Variants in GULP1 observed in about 807,000 individuals in gnomAD.
GULP1 encodes the protein GULP PTB domain containing engulfment adaptor 1.
GULP1 carries 19 observed loss-of-function variants against 40.9 expected under a neutral mutation model. The observed-to-expected ratio is 0.46, with a 90% confidence interval of 0.32 to 0.68. The LOEUF (loss-of-function observed/expected upper bound fraction) is 0.68. Ranked by LOEUF, GULP1 falls within the 30% of genes least tolerant of loss-of-function variation. The pLI is 0.03. For missense variants in GULP1, 312 were observed against 362.2 expected, an observed-to-expected ratio of 0.86 and a Z score of 1.12; for synonymous variants, 119 against 117.6, an observed-to-expected ratio of 1.01 and a Z score of -0.08.
intron 3 of GULP1, 73 bp from the exon 4 acceptor site, chr2:188,483,358 C>T: frequency 1.5e-6 from 1 of 681,142 alleles, no homozygotes; most frequent in Non-Finnish European, 2.6e-6. Flanking sequence ...TCCTAAATTA[C>T]CATACAAATG....
intron 1 of GULP1, among the ~76,000 whole-genome samples, chr2:188,373,468 A>G (rs1310917617): frequency 6.6e-6 from 1 of 152,008 alleles, no homozygotes; most frequent in Non-Finnish European, 1.5e-5. Flanking sequence ...GGCATCTGAT[A>G]TATCTTAAGT....
intron 1 of GULP1, among the ~76,000 whole-genome samples, chr2:188,336,117 G>T (rs1289377422): frequency 2.0e-5 from 3 of 152,090 alleles, no homozygotes; most frequent in African/African-American, 7.2e-5. Context: ...ATATTAGATT[G>T]GGGGGCACAG....
At chr2:188,483,547 T>C (rs75821338) in intron 4 of GULP1, 55 bp downstream of exon 4, 11,144 of 684,128 alleles carry the variant, frequency 0.016, 217 homozygotes, top group African/African-American at 0.058. Flanking sequence ...TCATTACTAA[T>C]TCATGGCTAA....
chr2:188,496,049 A>G lies in GULP1; in HGVS notation c.90+12557A>G, dbSNP rs895436570. Among the ~76,000 whole-genome samples the G allele has an allele frequency of 2.0e-5, 3 of 152,104 alleles. No homozygotes were observed. The South Asian group carries it at 6.2e-4, about 32-fold the overall frequency. On this transcript the variant is annotated intron_variant, in intron 4 of 11. Coordinates refer to ENST00000409830, the MANE Select transcript of GULP1 (RefSeq NM_016315.4). The stretch of plus-strand genomic sequence containing the variant: ...TCTTCCTGCCCTGTCTCCCAAGCAG[A>G]TTTTATCTGTGACAGAATTACCCAC...
chr2:188,541,158 T>A, intron 6 of GULP1, 23 bp from the exon 7 acceptor site: 1 of 1,603,176 alleles, frequency 6.2e-7, no homozygotes, highest in Non-Finnish European at 8.5e-7. Context: ...ATCAACTATG[T>A]TTATTTCCAT....
chr2:188,510,776 A>G (rs1453440138), intron 4 of GULP1, among the ~76,000 whole-genome samples: 2 of 151,784 alleles, frequency 1.3e-5, no homozygotes, highest in Non-Finnish European at 2.9e-5. Context: ...GTTCAGAAGA[A>G]TAAATGTTTG....
At chr2:188,573,099 A>G (rs1346791060) in intron 9 of GULP1, among the ~76,000 whole-genome samples, 2 of 152,210 alleles carry the variant, frequency 1.3e-5, no homozygotes, top group African/African-American at 4.8e-5. Flanking sequence ...ATTTAAATGT[A>G]AAATTAAATG....
At chr2:188,556,213 G>A (rs1475000074) in intron 7 of GULP1, among the ~76,000 whole-genome samples, 2 of 152,016 alleles carry the variant, frequency 1.3e-5, no homozygotes, top group Non-Finnish European at 2.9e-5. Context: ...TGTCGTGAAG[G>A]CTTTCCTCAT....
chr2:188,462,025 T>A (rs2059747838), intron 2 of GULP1, among the ~76,000 whole-genome samples: 1 of 151,312 alleles, frequency 6.6e-6, no homozygotes, highest in Non-Finnish European at 1.5e-5. Context: ...TTACATTATT[T>A]ATTTGAAGTT....
In GULP1 at chr2:188,510,180, T is replaced by G. The variant is rs796591165; in HGVS notation, c.91-12576T>G. Reference sequence around the variant, plus strand: ...TTTCTGCAAATAAATATATTTAGTGTTCAGGCACATAAGTACATTTGGGAA... The same window carrying G: ...TTTCTGCAAATAAATATATTTAGTGGTCAGGCACATAAGTACATTTGGGAA... On this transcript the variant is annotated intron_variant, in intron 4 of 11. Transcript: ENST00000409830. 1.5e-4 allele frequency among the ~76,000 whole-genome samples: 23 copies of G among 152,196 alleles called. 1 individual carries two copies. The highest frequency in any genetic ancestry group is 5.5e-4 in the African/African-American group (23 of 41,548).
chr2:188,560,434 C>T (rs1695942864), intron 7 of GULP1, among the ~76,000 whole-genome samples: 1 of 152,202 alleles, frequency 6.6e-6, no homozygotes, highest in South Asian at 2.1e-4. Flanking sequence ...TGGTCATAAC[C>T]ATTTAACCAG....
intron 1 of GULP1, among the ~76,000 whole-genome samples, chr2:188,361,702 G>A (rs1032836038): frequency 2.6e-5 from 4 of 152,088 alleles, no homozygotes; most frequent in South Asian, 2.1e-4. Flanking sequence ...CTTTGTTGGC[G>A]GAAAATTGAC....
chr2:188,530,997 A>G (rs1687400931), intron 6 of GULP1, among the ~76,000 whole-genome samples: 1 of 152,160 alleles, frequency 6.6e-6, no homozygotes, highest in South Asian at 2.1e-4. Flanking sequence ...GATTATGAAA[A>G]ATGTTTCCCA....
At position 188,358,000 on chromosome 2, in the gene GULP1, G is replaced by A. The variant is rs565794073; in HGVS notation, c.-171-25763G>A. ...TCAAGACCAGCCAGGCCAACATGGC[G>A]AAACCCTGTCTCTACTAAAAAAAAT... On this transcript the variant is annotated intron_variant, in intron 1 of 11. Transcript: ENST00000409830. 1.2e-4 allele frequency among the ~76,000 whole-genome samples: 18 copies of A among 152,212 alleles called. No individual in the cohort carries two copies. In the East Asian group the frequency reaches 1.6e-3, roughly 13 times the overall value.
chr2:188,581,626 T>G (rs1701346859), intron 9 of GULP1, among the ~76,000 whole-genome samples: 1 of 152,132 alleles, frequency 6.6e-6, no homozygotes, highest in South Asian at 2.1e-4. Flanking sequence ...CACTGCTTGC[T>G]TGTTATTCAT....
chr2:188,458,166 T>C (rs919261672), intron 2 of GULP1, among the ~76,000 whole-genome samples: 4 of 152,202 alleles, frequency 2.6e-5, no homozygotes, highest in Non-Finnish European at 5.9e-5. Flanking sequence ...CCTTCTCTTA[T>C]GCTGAATGAA....
At chr2:188,337,288 G>A (rs1025305475) in intron 1 of GULP1, among the ~76,000 whole-genome samples, 4 of 151,684 alleles carry the variant, frequency 2.6e-5, no homozygotes, top group South Asian at 2.1e-4. Context: ...ACAGGCATGC[G>A]CCACCACGCC....
chr2:188,562,093 C>T (rs1247430579), intron 7 of GULP1, among the ~76,000 whole-genome samples: 2 of 152,180 alleles, frequency 1.3e-5, no homozygotes, highest in Non-Finnish European at 2.9e-5. Flanking sequence ...CACTTCTGGG[C>T]CCCAGGACAG....
At chr2:188,434,407 A>C (rs910372396) in intron 2 of GULP1, among the ~76,000 whole-genome samples, 1 of 151,562 alleles carries the variant, frequency 6.6e-6, no homozygotes, top group Non-Finnish European at 1.5e-5. Context: ...ACTTTGCCCA[A>C]GTTTACAACA....
Sources: gnomAD v4.1 joint callset for allele counts (sites outside exome capture counted in the v4.1 genomes callset) on GRCh38, gnomAD v4.1.1 for gene constraint, MANE v1.5 for transcripts, NCBI Gene and HGNC (gene_info 2026-07-23, HGNC 2026-07-21) for gene names.